Variants in PODN observed in about 807,000 individuals in gnomAD.
PODN encodes podocan, also known as podocan proteoglycan.
PODN carries 40 observed loss-of-function variants against 52.7 expected under a neutral mutation model. That is an observed-to-expected ratio of 0.76 (90% CI 0.59 to 0.99). The LOEUF is 0.99. Ranked by LOEUF, PODN falls within the 50% of genes least tolerant of loss-of-function variation. PODN has a pLI of 0.00. For missense variants in PODN, 720 were observed against 815.1 expected, an observed-to-expected ratio of 0.88 and a Z score of 1.42; for synonymous variants, 396 against 377.9, an observed-to-expected ratio of 1.05 and a Z score of -0.56.
In PODN at chr1:53,069,847, G is replaced by A. The variant is rs1557648674; in HGVS notation, c.-9G>A. ...AGGCGCATCTGACTCGGCACCCCCT[G>A]CAGGCACCATGGCCCAGAGCCGGGT... On this transcript the variant is annotated 5_prime_UTR_variant, in exon 2 of 11. Coordinates refer to ENST00000312553, the MANE Select transcript of PODN (RefSeq NM_153703.5). 3.2e-6 allele frequency: 5 copies of A among 1,578,136 alleles called. No homozygotes were observed.
At chr1:53,078,034 G>C (rs1332219298) in intron 7 of PODN, among the ~76,000 whole-genome samples, 1 of 152,206 alleles carries the variant, frequency 6.6e-6, no homozygotes, top group Non-Finnish European at 1.5e-5. Flanking sequence ...GTGGAGGCTG[G>C]CTTCTTGGTG....
At chr1:53,081,847 C>A in intron 9 of PODN, 134 bp from the exon 10 acceptor site, 1 of 1,355,656 alleles carries the variant, frequency 7.4e-7, no homozygotes, top group Non-Finnish European at 9.9e-7. Context: ...CAGCCCCTGG[C>A]CTTTCCCGCC....
rs749188713 is a variant in PODN at position 53,078,761 on chromosome 1, C to T, written c.1251C>T (p.Thr417=). The T allele has an allele frequency of 3.1e-6, 5 of 1,613,392 alleles. No homozygotes were observed. Among genetic ancestry groups the T allele is most frequent in the African/African-American group, 2.7e-5 (2 of 75,068 alleles). The change falls in exon 8 of 11, where the codon ACC becomes ACT. Residue 417 remains threonine (T), a synonymous_variant. Coordinates refer to ENST00000312553, the MANE Select transcript of PODN (RefSeq NM_153703.5). ...EELNLSYNRI[T]SPQVHRDAFR... ...TCAACCTCAGCTACAACCGCATCAC[C>T]AGCCCGCAGGTGCACCGCGACGCCT...
At chr1:53,077,439 GC>G in intron 6 of PODN, 93 bp downstream of exon 6, 2 of 1,535,168 alleles carry the variant, frequency 1.3e-6, no homozygotes, top group East Asian at 4.5e-5. Flanking sequence ...GGCCCACATG[GC>G]CACAGGTGCT....
intron 1 of PODN, among the ~76,000 whole-genome samples, chr1:53,065,663 G>A (rs1175419272): frequency 1.3e-5 from 2 of 152,130 alleles, no homozygotes; most frequent in Admixed American, 6.5e-5. Flanking sequence ...AGTGGTCCTC[G>A]TCTTCCAGTG....
intron 2 of PODN, 121 bp downstream of exon 2, chr1:53,070,288 C>T: frequency 2.1e-6 from 3 of 1,442,404 alleles, no homozygotes; most frequent in Non-Finnish European, 2.8e-6. Flanking sequence ...TGCGGCTCTC[C>T]ACTCCCAACC....
chr1:53,074,381 T>C (rs1170646802), intron 3 of PODN, among the ~76,000 whole-genome samples: 1 of 152,226 alleles, frequency 6.6e-6, no homozygotes, highest in Admixed American at 6.5e-5. Flanking sequence ...AGCGAGGAGT[T>C]AGTCTCTCAG....
At chr1:53,084,421 C>CCAGCAGGGCTCCCCA (rs1407114497) in intron 10 of PODN, 92 bp from the exon 11 acceptor site, 1 of 152,244 alleles carries the variant, frequency 6.6e-6, no homozygotes, top group African/African-American at 2.4e-5. Context: ...AGAGCCCCCT[C>CCAGCAGGGCTCCCCA]CAGCAGGGCT....
chr1:53,085,383 G>C lies in PODN; in HGVS notation c.*898G>C, dbSNP rs962013974. The stretch of plus-strand genomic sequence containing the variant: ...ACACCTTTGTTCTTCAGGCCTGTGG[G>C]GGAAGTTCCGGGTGCCTTTATTTTT... On this transcript the variant is annotated 3_prime_UTR_variant, in exon 11 of 11. Coordinates refer to ENST00000312553, the MANE Select transcript of PODN (RefSeq NM_153703.5). The C allele has an allele frequency of 2.0e-5, 3 of 152,212 alleles. No individual in the cohort carries two copies. The highest frequency in any genetic ancestry group is 4.4e-5 in the Non-Finnish European group (3 of 68,042). The allele number at this position is 152,212 out of a possible 1,614,324, so 9.4% of individuals were successfully genotyped here.
chr1:53,072,921 G>A (rs1644141302), intron 3 of PODN: 1 of 164,572 alleles, frequency 6.1e-6, no homozygotes, highest in African/African-American at 2.4e-5. Context: ...AATTATCCCG[G>A]TGTTCTGACA....
chr1:53,078,812 G>A lies in PODN; in HGVS notation c.1302G>A (p.Ser434=), dbSNP rs771131394. Residue 434 remains serine, a synonymous_variant, in exon 8 of 11, where the codon TCG becomes TCA. Transcript: ENST00000312553. ...TCCGCAAGCTGCGCCTGCTGCGCTC[G>A]CTGGACCTGTCGGGCAACCGGCTGC... ...DAFRKLRLLR[S]LDLSGNRLHT... is the part of the protein sequence containing the mutation. 4 of 1,613,002 alleles carry A rather than the reference G, an allele frequency of 2.5e-6. No individual in the cohort carries two copies. The highest frequency in any genetic ancestry group is 3.4e-6 in the Non-Finnish European group (4 of 1,179,804).
intron 1 of PODN, among the ~76,000 whole-genome samples, chr1:53,066,640 A>G (rs1387755735): frequency 6.6e-6 from 1 of 152,052 alleles, no homozygotes; most frequent in Admixed American, 6.6e-5. Context: ...CCTAGGGGAG[A>G]GCAGCGTAGC....
intron 3 of PODN, chr1:53,073,345 G>C (rs963886096): frequency 1.3e-5 from 2 of 154,920 alleles, no homozygotes; most frequent in Non-Finnish European, 2.9e-5. Flanking sequence ...TTGGATCCCT[G>C]ATCTTCATCA....
chr1:53,071,638 C>A lies in PODN; in HGVS notation c.406+10C>A. The A allele has an allele frequency of 6.2e-7, 1 of 1,608,944 alleles. No individual in the cohort carries two copies. On this transcript the variant is annotated intron_variant, in intron 3 of 10. Transcript: ENST00000312553. The stretch of plus-strand genomic sequence containing the variant: ...CGCCTGACTTCCCGAGGTGAGGGGC[C>A]ACCCAGAGCCCAGGGTCAGGGACAC...
intron 10 of PODN, among the ~76,000 whole-genome samples, 166 bp from the exon 11 acceptor site, chr1:53,084,347 C>A (rs1218028579): frequency 6.6e-6 from 1 of 151,408 alleles, no homozygotes; most frequent in Non-Finnish European, 1.5e-5. Context: ...CCTTCTGGCA[C>A]CCCGCTGGCT....
chr1:53,063,027 C>T (rs796853695), intron 1 of PODN, among the ~76,000 whole-genome samples: 3 of 152,302 alleles, frequency 2.0e-5, no homozygotes, highest in African/African-American at 7.2e-5. Flanking sequence ...GAGCGAGATC[C>T]GCGCCTTCCT....
intron 2 of PODN, chr1:53,071,307 C>A: frequency 2.1e-6 from 1 of 467,016 alleles, no homozygotes. Flanking sequence ...TGTGGGCTCC[C>A]TGAAGGCAGG....
chr1:53,070,753 G>A (rs535518154), intron 2 of PODN, among the ~76,000 whole-genome samples: 69 of 152,384 alleles, frequency 4.5e-4, no homozygotes, highest in African/African-American at 1.4e-3. Context: ...GGCCTGGTGC[G>A]GGAGAGTGAC....
At chr1:53,082,731 G>A (rs913587664) in intron 10 of PODN, among the ~76,000 whole-genome samples, 7 of 152,160 alleles carry the variant, frequency 4.6e-5, no homozygotes, top group African/African-American at 9.7e-5. Flanking sequence ...GTGCACACAC[G>A]TCTCAACATG....
Sources: allele counts gnomAD v4.1 joint callset (sites outside exome capture counted in the v4.1 genomes callset), GRCh38; gene constraint gnomAD v4.1.1; transcripts MANE v1.5; gene names NCBI Gene and HGNC (gene_info 2026-07-23, HGNC 2026-07-21).